IGSF5: variants seen among roughly 807,000 people sequenced by gnomAD.
IGSF5 encodes the protein immunoglobulin superfamily 5 like.
IGSF5 carries 41 observed loss-of-function variants against 39.4 expected under a neutral mutation model. The observed-to-expected ratio is 1.04, with a 90% CI of 0.81 to 1.35. The LOEUF (loss-of-function observed/expected upper bound fraction) is 1.35. Ranked by LOEUF, IGSF5 falls within the 40% of genes most tolerant of loss-of-function variation. IGSF5 has a pLI of 0.00. For missense variants in IGSF5, 487 were observed against 494.6 expected, an observed-to-expected ratio of 0.98 and a Z score of 0.15; for synonymous variants, 183 against 175.3, an observed-to-expected ratio of 1.04 and a Z score of -0.34.
the IGSF5 span, among the ~76,000 whole-genome samples, chr21:39,722,049 T>G: frequency 2.6e-5 from 4 of 152,224 alleles, 1 homozygote; most frequent in Non-Finnish European, 4.4e-5. Flanking sequence ...TGACTCTGTC[T>G]GATGGAACTT....
intron 2 of IGSF5, among the ~76,000 whole-genome samples, chr21:39,756,242 C>T (rs2080030130): frequency 1.3e-5 from 2 of 152,222 alleles, no homozygotes; most frequent in Admixed American, 6.5e-5. Flanking sequence ...TGTGAATACC[C>T]AGTAATGCAC....
At chr21:39,763,596 G>C (rs1303550353) in intron 2 of IGSF5, among the ~76,000 whole-genome samples, 1 of 152,180 alleles carries the variant, frequency 6.6e-6, no homozygotes, top group Admixed American at 6.5e-5. Context: ...GGAAGGAACT[G>C]GGGTTTCAGA....
intron 4 of IGSF5, among the ~76,000 whole-genome samples, chr21:39,773,341 A>G (rs573662117): frequency 5.9e-5 from 9 of 152,288 alleles, no homozygotes; most frequent in African/African-American, 2.2e-4. Flanking sequence ...TTTTACATTC[A>G]TTGATAAATC....
At chr21:39,765,932 T>A in intron 3 of IGSF5, 80 bp downstream of exon 3, 4 of 1,293,034 alleles carry the variant, frequency 3.1e-6, no homozygotes, top group East Asian at 2.5e-5. Flanking sequence ...TCATGCCGCG[T>A]ATGATGGCAG....
chr21:39,737,153 G>C, the IGSF5 span, among the ~76,000 whole-genome samples: 1 of 151,064 alleles, frequency 6.6e-6, no homozygotes, highest in Non-Finnish European at 1.5e-5. Context: ...CCTAGTAGAA[G>C]GGAAAAAAAT....
chr21:39,790,897 A>G (rs1050890799), intron 6 of IGSF5, among the ~76,000 whole-genome samples: 2 of 152,248 alleles, frequency 1.3e-5, no homozygotes, highest in African/African-American at 4.8e-5. Context: ...AACTATTTGC[A>G]TAGCATTTAC....
At chr21:39,800,529 G>A (rs2087022817) in intron 8 of IGSF5, among the ~76,000 whole-genome samples, 1 of 152,226 alleles carries the variant, frequency 6.6e-6, no homozygotes, top group Non-Finnish European at 1.5e-5. Flanking sequence ...AGTTTTCCCT[G>A]TGTTATTGGG....
intron 8 of IGSF5, among the ~76,000 whole-genome samples, chr21:39,796,482 A>G (rs2032682396): frequency 6.6e-6 from 1 of 152,170 alleles, no homozygotes; most frequent in African/African-American, 2.4e-5. Flanking sequence ...AATAAGCCTT[A>G]GTTCCTTATA....
At chr21:39,724,091 A>G in the IGSF5 span, among the ~76,000 whole-genome samples, 3 of 137,940 alleles carry the variant, frequency 2.2e-5, no homozygotes, top group African/African-American at 8.3e-5. Flanking sequence ...ATAAAATAAA[A>G]TAAAATAAAA....
chr21:39,719,393 G>C, the IGSF5 span, among the ~76,000 whole-genome samples: 2 of 152,016 alleles, frequency 1.3e-5, no homozygotes, highest in East Asian at 1.9e-4. Flanking sequence ...TACATGATAT[G>C]TGCTCTCTGT....
At chr21:39,718,951 G>T in the IGSF5 span, among the ~76,000 whole-genome samples, 11 of 152,134 alleles carry the variant, frequency 7.2e-5, no homozygotes, top group Non-Finnish European at 1.5e-4. Context: ...ACATCTGGTA[G>T]AATTGGGCTC....
chr21:39,771,611 T>C (rs1363361003), intron 4 of IGSF5, among the ~76,000 whole-genome samples: 1 of 152,224 alleles, frequency 6.6e-6, no homozygotes, highest in Non-Finnish European at 1.5e-5. Context: ...TGTTCAGGTC[T>C]CCCTGGATTT....
chr21:39,769,206 TG>T (rs1011329443), intron 3 of IGSF5, among the ~76,000 whole-genome samples: 16 of 152,334 alleles, frequency 1.1e-4, no homozygotes, highest in Admixed American at 8.5e-4. Flanking sequence ...CCGGGAATGG[TG>T]GCTCATGCCT....
In IGSF5 at chr21:39,781,904, C is replaced by T. The variant is rs74770929; in HGVS notation, c.934+2599C>T. ...TAGGACCGATGGCCCCCTTTATCTG[C>T]GTTTTGAGTCATAGGAAGTATTTCC... On this transcript the variant is annotated intron_variant, in intron 5 of 8. Coordinates refer to ENST00000380588, the MANE Select transcript of IGSF5 (RefSeq NM_001080444.2). 5.5e-3 allele frequency among the ~76,000 whole-genome samples: 830 copies of T among 152,190 alleles called. 3 individuals carry two copies. The highest frequency in any genetic ancestry group is 6.9e-3 in the Non-Finnish European group (469 of 68,018).
chr21:39,765,983 T>C (rs1390556330), intron 3 of IGSF5, 131 bp downstream of exon 3: 5 of 790,230 alleles, frequency 6.3e-6, no homozygotes. Flanking sequence ...ACAATTATTC[T>C]GAACTGATGA....
At chr21:39,783,047 G>A (rs1273492450) in intron 5 of IGSF5, among the ~76,000 whole-genome samples, 2 of 152,080 alleles carry the variant, frequency 1.3e-5, no homozygotes, top group African/African-American at 4.8e-5. Flanking sequence ...TCCATGTGCT[G>A]TGGATTTCAT....
chr21:39,740,089 G>A, the IGSF5 span, among the ~76,000 whole-genome samples: 206 of 152,242 alleles, frequency 1.4e-3, 1 homozygote, highest in African/African-American at 4.8e-3. Context: ...TTCCTTGTTC[G>A]GTGGCTTGCC....
chr21:39,734,347 CGGGAGGCGGAGGTTGTA>C, the IGSF5 span, among the ~76,000 whole-genome samples: 1,304 of 150,382 alleles, frequency 8.7e-3, 14 homozygotes, highest in Non-Finnish European at 0.013. Context: ...CGCTTGAACC[CGGGAGGCGGAGGTTGTA>C]GTGAGCCGAG....
At chr21:39,759,782 GC>G (rs1473836761) in intron 2 of IGSF5, among the ~76,000 whole-genome samples, 2 of 151,402 alleles carry the variant, frequency 1.3e-5, no homozygotes, top group African/African-American at 4.9e-5. Flanking sequence ...CAGGAGAATT[GC>G]TTGGACCCAG....
Sources: allele counts gnomAD v4.1 joint callset (sites outside exome capture counted in the v4.1 genomes callset), GRCh38; gene constraint gnomAD v4.1.1; transcripts MANE v1.5; gene names NCBI Gene and HGNC (gene_info 2026-07-23, HGNC 2026-07-21).